The following BCLAF1 variants were observed in gnomAD, a reference collection of about 807,000 sequenced individuals.
BCLAF1 encodes the protein BCL2 associated transcription factor 1.
BCLAF1 carries 10 observed loss-of-function variants against 99.5 expected under a neutral mutation model. The observed-to-expected ratio is 0.10, with a 90% confidence interval of 0.06 to 0.17. BCLAF1 has a LOEUF of 0.17. BCLAF1 is among the 10% of genes least tolerant of loss of function. The pLI, the probability that BCLAF1 is intolerant of heterozygous loss-of-function variation, is 1.00. For missense variants in BCLAF1, 636 were observed against 1,105.8 expected (o/e 0.58, Z 6.02); for synonymous variants, 255 against 370.9 (o/e 0.69, Z 3.59).
Position 136,258,381 on chromosome 6 carries a change from GAAAAACAAAAACAAAAACAAAAAC to G in BCLAF1, c.*2705_*2728del, listed in dbSNP as rs66934469. ...TCCCATTTTCCCAGGGGAGACAAGG[GAAAAACAAAAACAAAAACAAAAAC>G]AAAAACAAAAACAAAAACAAGACAA... On this transcript the variant is annotated 3_prime_UTR_variant, in exon 13 of 13. Transcript: ENST00000531224. 4.1e-4 allele frequency: 61 copies of G among 149,746 alleles called. No individual in the cohort carries two copies. The highest frequency in any genetic ancestry group is 1.1e-3 in the African/African-American group (45 of 40,708). 9.3% of individuals were successfully genotyped at this position (149,746 alleles called of 1,614,324 possible).
chr6:136,272,728 T>C (rs1203462936), intron 7 of BCLAF1, among the ~76,000 whole-genome samples: 1 of 151,994 alleles, frequency 6.6e-6, no homozygotes, highest in East Asian at 1.9e-4. Flanking sequence ...TCAATGCTCA[T>C]GCTTTCGTTC....
At chr6:136,273,327 C>G in intron 6 of BCLAF1, 140 bp from the exon 7 acceptor site, 1 of 686,958 alleles carries the variant, frequency 1.5e-6, no homozygotes, top group Non-Finnish European at 2.4e-6. Context: ...TTACAAGGAA[C>G]TCCTACCCTT....
chr6:136,278,223 C>A lies in BCLAF1; in HGVS notation c.658G>T (p.Asp220Tyr). Residue 220 changes from aspartate (D) to tyrosine (Y), a missense_variant, in exon 4 of 13, where the codon GAT (aspartate) becomes TAT (tyrosine). By Grantham distance (160) the Asp-to-Tyr change is radical (BLOSUM62 -3). Coordinates refer to ENST00000531224, the MANE Select transcript of BCLAF1 (RefSeq NM_014739.3). ...CTATGGGGTGATCTAGGACTATTAT[C>A]ATAAGCTGAAAGGCCAGGCCAAATA... is the stretch of plus-strand genomic sequence containing the variant. ...GDIWPGLSAYDNSPRSPHSPS... is the reference protein window; with the variant it reads ...GDIWPGLSAYYNSPRSPHSPS... 2 of 1,614,168 alleles carry A rather than the reference C, an allele frequency of 1.2e-6. No homozygotes were observed. Among genetic ancestry groups the A allele is most frequent in the Non-Finnish European group, 1.7e-6 (2 of 1,179,994 alleles).
rs1784133660 is a variant in BCLAF1, at chr6:136,279,858, G to C, written c.9C>G (p.Arg3=). The C allele has an allele frequency of 1.3e-6, 2 of 1,527,242 alleles. No individual in the cohort carries two copies. The highest frequency in any genetic ancestry group is 2.3e-5 in the East Asian group (1 of 42,576). 94.6% of individuals were successfully genotyped at this position (1,527,242 alleles called of 1,614,324 possible). The change falls in exon 3 of 13, where the codon CGC becomes CGG. Residue 3 remains arginine (R), a synonymous_variant. Coordinates refer to ENST00000531224, the MANE Select transcript of BCLAF1 (RefSeq NM_014739.3). The part of the protein sequence containing the change: MG[R]SNSRSHSSRS... Reference sequence around the variant, plus strand: ...TTGAAGAATGTGATCTAGAATTGGAGCGACCCATTTCTTTTCTCCTAATCA... The same window carrying C: ...TTGAAGAATGTGATCTAGAATTGGACCGACCCATTTCTTTTCTCCTAATCA...
chr6:136,280,297 A>T (rs1265891208), intron 2 of BCLAF1, among the ~76,000 whole-genome samples: 1 of 152,242 alleles, frequency 6.6e-6, no homozygotes, highest in East Asian at 1.9e-4. Flanking sequence ...TCACAATACT[A>T]ACAAAAAATA....
In BCLAF1 at chr6:136,269,682, G is replaced by C. The variant is rs940306885; in HGVS notation, c.2044-70C>G. On this transcript the variant is annotated intron_variant, in intron 8 of 12. Transcript: ENST00000531224. ...AAAAAATATATATACACATATTATA[G>C]AGTTAAATTTTATGCCAGCTTCTAA... 3.3e-6 allele frequency: 4 copies of C among 1,218,228 alleles called. No individual in the cohort carries two copies. In the African/African-American group the frequency reaches 6.2e-5, roughly 19 times the overall value. The allele number at this position is 1,218,228 out of a possible 1,614,324, so 75.5% of individuals were successfully genotyped here. A position where few individuals can be genotyped will look rare whatever the true frequency, so the allele number is the denominator to read the frequency against.
At chr6:136,286,461 G>C (rs1052417351) in intron 1 of BCLAF1, among the ~76,000 whole-genome samples, 1 of 152,146 alleles carries the variant, frequency 6.6e-6, no homozygotes, top group Non-Finnish European at 1.5e-5. Flanking sequence ...CAAGTACAGG[G>C]TTAAATGAAC....
intron 2 of BCLAF1, among the ~76,000 whole-genome samples, chr6:136,282,242 A>G (rs566866591): frequency 6.6e-6 from 1 of 152,148 alleles, no homozygotes; most frequent in Non-Finnish European, 1.5e-5. Flanking sequence ...TGAATTACCT[A>G]AACACTACAG....
rs1780833375 is a variant in BCLAF1 at position 136,260,579 on chromosome 6, A to AT, written c.*530_*531insA. ...TTCTTAAGCATTTGCTCAAGTGTTA[A>AT]ACTAGCTTAGTTTACCATAGTAACA... On this transcript the variant is annotated 3_prime_UTR_variant, in exon 13 of 13. Coordinates refer to ENST00000531224, the MANE Select transcript of BCLAF1 (RefSeq NM_014739.3). 3 of 154,000 alleles carry AT rather than the reference A, an allele frequency of 1.9e-5. No homozygotes were observed. In the South Asian group the frequency reaches 6.2e-4, roughly 32 times the overall value. 9.5% of individuals were successfully genotyped at this position (154,000 alleles called of 1,614,324 possible).
chr6:136,284,864 G>C lies in BCLAF1; in HGVS notation c.-114-2177C>G, dbSNP rs76159292. ...GGAAAAGTACAAGTTAACATGCAGA[G>C]GAGGTGGGCAGGGGGACTACTTACT... On this transcript the variant is annotated intron_variant, in intron 1 of 12. Transcript: ENST00000531224. Among the ~76,000 whole-genome samples, 1,427 of 152,246 alleles carry C rather than the reference G, an allele frequency of 9.4e-3. 16 individuals are homozygous for C. Among genetic ancestry groups the C allele is most frequent in the African/African-American group, 0.033 (1,379 of 41,538 alleles).
rs531268648 is a variant in BCLAF1 at position 136,259,216 on chromosome 6, G to C, written c.*1894C>G. 4.6e-5 allele frequency: 7 copies of C among 152,088 alleles called. No individual in the cohort carries two copies. The highest frequency in any genetic ancestry group is 1.0e-4 in the Non-Finnish European group (7 of 67,846). 9.4% of individuals were successfully genotyped at this position (152,088 alleles called of 1,614,324 possible). On this transcript the variant is annotated 3_prime_UTR_variant, in exon 13 of 13. Coordinates refer to ENST00000531224, the MANE Select transcript of BCLAF1 (RefSeq NM_014739.3). ...AGAATAAAAGTAACCAAAGGTTAAA[G>C]CAATGCATTTGAACTTAAAATATAA...
rs1217733664 is a variant in BCLAF1 at position 136,275,710 on chromosome 6, T to C, written c.1683-9A>G. ...TAGTCAAGGAAGCAGGTCTGGAACATATTGATAACACACACACACACAAAA... is the reference window on the plus strand; with the variant it reads ...TAGTCAAGGAAGCAGGTCTGGAACACATTGATAACACACACACACACAAAA... On this transcript the variant is annotated splice_polypyrimidine_tract_variant and intron_variant, in intron 5 of 12. Coordinates refer to ENST00000531224, the MANE Select transcript of BCLAF1 (RefSeq NM_014739.3). 1 of 1,579,124 alleles carries C rather than the reference T, an allele frequency of 6.3e-7. No homozygotes were observed. The highest frequency in any genetic ancestry group is 8.6e-7 in the Non-Finnish European group (1 of 1,165,292).
rs1554219523 is a variant in BCLAF1 at position 136,279,026 on chromosome 6, C to CGT, written c.105-251_105-250insAC. 9.1e-3 allele frequency among the ~76,000 whole-genome samples: 1,370 copies of CGT among 151,196 alleles called. 18 individuals are homozygous for CGT. Among genetic ancestry groups the CGT allele is most frequent in the African/African-American group, 0.031 (1,256 of 41,100 alleles). ...ACACACACACACACACACACACACA[C>CGT]GCATGTGTTATATATATCACATGCA... On this transcript the variant is annotated intron_variant, in intron 3 of 12. Transcript: ENST00000531224.
In BCLAF1 at chr6:136,275,948, G is replaced by A. The variant is rs368098574; in HGVS notation, c.1577C>T (p.Thr526Ile). Residue 526 changes from threonine to isoleucine, a missense_variant, in exon 5 of 13, where the codon ACC (threonine) becomes ATC (isoleucine). Transcript: ENST00000531224. ...CCTAAGTGGGCTTTCCTCTCTGAAG[G>A]TAGACTTTTCTCGTGCATCCAGATT... ...HKNLDAREKS[T>I]FREESPLRIK... 1.6e-5 allele frequency: 26 copies of A among 1,612,586 alleles called. No individual in the cohort carries two copies. Among genetic ancestry groups the A allele is most frequent in the African/African-American group, 5.3e-5 (4 of 74,768 alleles).
At position 136,276,093 on chromosome 6, in the gene BCLAF1, G is replaced by A. The variant is rs145045425; in HGVS notation, c.1432C>T (p.His478Tyr). The A allele has an allele frequency of 1.2e-6, 2 of 1,609,244 alleles. No homozygotes were observed. The highest frequency in any genetic ancestry group is 1.7e-6 in the Non-Finnish European group (2 of 1,178,954). Residue 478 changes from histidine to tyrosine, a missense_variant, in exon 5 of 13, where the codon CAC (histidine) becomes TAC (tyrosine). By Grantham distance (83) the His-to-Tyr change is moderately conservative (BLOSUM62 2). This residue lies in a region of BCLAF1 where 186 missense variants were observed against 275.3 expected (regional missense o/e 0.68). Transcript: ENST00000531224. ...TCAGAATTTTTGTCTTCTTCTTTGT[G>A]CTTATCTTTTGTAGTGCTAGGCCTT... ...VERPSTTKDK[H>Y]KEEDKNSERI...
chr6:136,273,114 A>G lies in BCLAF1; in HGVS notation c.1926T>C (p.His642=), dbSNP rs780481859. 21 of 1,611,944 alleles carry G rather than the reference A, an allele frequency of 1.3e-5. No individual in the cohort carries two copies. In the Admixed American group the frequency reaches 2.0e-4, roughly 15 times the overall value. ...TTTCAGGGCTCTTTTGCCGAGTACT[A>G]TGTTCTTCAGTGGCTTTCTGATACG... ...FTSYQKATEE[H]STRQKSPEIH... is the part of the protein sequence containing the mutation. Residue 642 remains histidine, a synonymous_variant, in exon 7 of 13, where the codon CAT becomes CAC. Coordinates refer to ENST00000531224, the MANE Select transcript of BCLAF1 (RefSeq NM_014739.3).
chr6:136,263,067 C>G (rs1232236867), intron 11 of BCLAF1, among the ~76,000 whole-genome samples: 1 of 152,156 alleles, frequency 6.6e-6, no homozygotes, highest in Non-Finnish European at 1.5e-5. Context: ...GGATCTGGCC[C>G]TGTTCTGAAC....
At chr6:136,286,805 T>C (rs1184454838) in intron 1 of BCLAF1, among the ~76,000 whole-genome samples, 1 of 152,086 alleles carries the variant, frequency 6.6e-6, no homozygotes, top group African/African-American at 2.4e-5. Flanking sequence ...CCGTCTCTAC[T>C]AAAAATATAA....
At chr6:136,265,028 G>A (rs777828609) in intron 11 of BCLAF1, among the ~76,000 whole-genome samples, 31 of 152,160 alleles carry the variant, frequency 2.0e-4, no homozygotes, top group Non-Finnish European at 2.6e-4. Context: ...ATAGAAAAAC[G>A]GCCTAAATTT....
Sources: allele counts gnomAD v4.1 joint callset (sites outside exome capture counted in the v4.1 genomes callset), GRCh38; gene constraint gnomAD v4.1.1; regional missense constraint gnomAD v4.1.1; transcripts MANE v1.5; gene names NCBI Gene and HGNC (gene_info 2026-07-23, HGNC 2026-07-21).